MYO10: variants seen among roughly 807,000 people sequenced by gnomAD.
MYO10 encodes myosin X.
Under a neutral mutation model 257.3 loss-of-function variants are expected in MYO10, and 133 were observed. That is an observed-to-expected ratio of 0.52 (90% CI 0.45 to 0.60). The LOEUF is 0.60. Among genes scored for constraint, MYO10 ranks in the 20% least tolerant of loss-of-function variants. MYO10 has a pLI of 0.00. For synonymous variants in MYO10, 1,104 were observed against 1,028.6 expected (o/e 1.07, Z -1.40); for missense variants, 2,399 against 2,635.7 (o/e 0.91, Z 1.97).
intron 28 of MYO10, among the ~76,000 whole-genome samples, chr5:16,688,072 TAAAAC>T (rs1737329152): frequency 1.3e-5 from 2 of 152,220 alleles, no homozygotes; most frequent in South Asian, 4.1e-4. Flanking sequence ...CATCGTGGCA[TAAAAC>T]AGACAGGGCA....
chr5:16,684,532 C>T (rs908036913), intron 29 of MYO10, among the ~76,000 whole-genome samples: 2 of 152,344 alleles, frequency 1.3e-5, no homozygotes, highest in Admixed American at 6.5e-5. Flanking sequence ...GTCTGAGCTT[C>T]CGCACCTGGC....
chr5:16,795,912 G>A (rs953521095), intron 3 of MYO10, among the ~76,000 whole-genome samples: 7 of 152,046 alleles, frequency 4.6e-5, no homozygotes, highest in East Asian at 3.9e-4. Context: ...GTATCAGACC[G>A]AGCGCAGTGG....
intron 1 of MYO10, among the ~76,000 whole-genome samples, chr5:16,879,834 C>T (rs1434816849): frequency 2.0e-5 from 3 of 152,310 alleles, no homozygotes; most frequent in South Asian, 2.1e-4. Flanking sequence ...CAAAATCTGA[C>T]GTAAAGGTTA....
intron 1 of MYO10, among the ~76,000 whole-genome samples, chr5:16,883,108 G>C (rs1311507577): frequency 6.6e-6 from 1 of 151,874 alleles, no homozygotes; most frequent in African/African-American, 2.4e-5. Context: ...GTAGAGACGA[G>C]GTTTCACCGT....
At position 16,673,820 on chromosome 5, in the gene MYO10, TTTC is replaced by T; in HGVS notation, c.5031_5033del (p.Lys1678del). On this transcript the variant is annotated inframe_deletion, in exon 36 of 41. Coordinates refer to ENST00000513610, the MANE Select transcript of MYO10 (RefSeq NM_012334.3). Reference sequence around the variant, plus strand: ...AAGGCACAAACTCTCGGCATTTGGTTTTCTTAAGAGATTCGTAAGTGAAGAGAG... The same window carrying T: ...AAGGCACAAACTCTCGGCATTTGGTTTTAAGAGATTCGTAAGTGAAGAGAG... 6.2e-7 allele frequency: 1 copy of T among 1,614,000 alleles called. No individual in the cohort carries two copies.
At chr5:16,788,180 C>T (rs192272966) in intron 4 of MYO10, among the ~76,000 whole-genome samples, 179 of 152,064 alleles carry the variant, frequency 1.2e-3, no homozygotes, top group Middle Eastern at 0.01. Context: ...CGGGAAGGGC[C>T]GCGGGGGCAG....
intron 18 of MYO10, among the ~76,000 whole-genome samples, chr5:16,755,764 G>A (rs1233300566): frequency 1.5e-5 from 2 of 135,450 alleles, no homozygotes; most frequent in Non-Finnish European, 3.1e-5. Context: ...ATTTACCAAA[G>A]CAGACAAAAG....
At position 16,803,295 on chromosome 5, in the gene MYO10, G is replaced by T. The variant is rs565587634; in HGVS notation, c.280-8462C>A. Reference sequence around the variant, plus strand: ...ATTAAAAAGTTAGCCAGGTATGATGGTGCACACATGTGGTCTCAGCTACTC... The same window carrying T: ...ATTAAAAAGTTAGCCAGGTATGATGTTGCACACATGTGGTCTCAGCTACTC... On this transcript the variant is annotated intron_variant, in intron 3 of 40. Coordinates refer to ENST00000513610, the MANE Select transcript of MYO10 (RefSeq NM_012334.3). 9.2e-5 allele frequency among the ~76,000 whole-genome samples: 14 copies of T among 151,942 alleles called. No individual in the cohort carries two copies. The East Asian group carries it at 2.7e-3, about 29-fold the overall frequency.
intron 32 of MYO10, among the ~76,000 whole-genome samples, chr5:16,680,814 C>T (rs2288434): frequency 0.31 from 47,524 of 151,926 alleles, 7,565 homozygotes; most frequent in South Asian, 0.41. Context: ...GCCCACATGG[C>T]AAAACCTGGT....
chr5:16,728,304 C>A (rs1478680013), intron 19 of MYO10, among the ~76,000 whole-genome samples: 1 of 152,162 alleles, frequency 6.6e-6, no homozygotes, highest in Non-Finnish European at 1.5e-5. Context: ...CCTCCTTCTG[C>A]GGGCTGCCCT....
At chr5:16,712,775 A>G (rs994666762) in intron 19 of MYO10, among the ~76,000 whole-genome samples, 4 of 152,228 alleles carry the variant, frequency 2.6e-5, no homozygotes, top group Non-Finnish European at 4.4e-5. Context: ...AATTGTCTTT[A>G]TTTAGCAGTA....
Position 16,714,814 on chromosome 5 carries a change from A to AAAC in MYO10, c.1930-3572_1930-3570dup, listed in dbSNP as rs559710113. 3.0e-3 allele frequency among the ~76,000 whole-genome samples: 451 copies of AAAC among 152,244 alleles called. 3 individuals carry two copies. The highest frequency in any genetic ancestry group is 0.017 in the South Asian group (82 of 4,824). On this transcript the variant is annotated intron_variant, in intron 19 of 40. Transcript: ENST00000513610. ...CTCCAGCCTGGGCGACAGAGCGAGA[A>AAAC]AACAACAACAACAACAAAAACAAAT...
intron 2 of MYO10, among the ~76,000 whole-genome samples, chr5:16,853,143 G>A (rs1003057959): frequency 2.6e-5 from 4 of 152,150 alleles, no homozygotes; most frequent in Admixed American, 1.3e-4. Context: ...GGCTGAGGTG[G>A]GCGGATCACA....
At chr5:16,785,286 T>A (rs1295415515) in intron 4 of MYO10, among the ~76,000 whole-genome samples, 2 of 152,200 alleles carry the variant, frequency 1.3e-5, no homozygotes, top group Non-Finnish European at 2.9e-5. Flanking sequence ...AACTGGCATC[T>A]GCTCGGCCCA....
chr5:16,902,768 C>T (rs947679671), intron 1 of MYO10: 2 of 646,716 alleles, frequency 3.1e-6, no homozygotes, highest in South Asian at 3.6e-5. Context: ...TCCCAAAGTG[C>T]CGGGATTACA....
At chr5:16,748,168 C>G (rs186832420) in intron 19 of MYO10, among the ~76,000 whole-genome samples, 2 of 152,058 alleles carry the variant, frequency 1.3e-5, no homozygotes, top group African/African-American at 4.8e-5. Flanking sequence ...CTCCCAGGCT[C>G]GGATGATCCT....
At chr5:16,707,730 A>G (rs571006813) in intron 21 of MYO10, among the ~76,000 whole-genome samples, 1 of 152,250 alleles carries the variant, frequency 6.6e-6, no homozygotes, top group Non-Finnish European at 1.5e-5. Context: ...GCAGCTGTTC[A>G]GCAGGGAAAT....
In MYO10 at chr5:16,701,006, C is replaced by T. The variant is rs776940936; in HGVS notation, c.3389G>A (p.Ser1130Asn). The change falls in exon 25 of 41, where the codon AGC (serine) becomes AAC (asparagine). Residue 1130 changes from serine (S) to asparagine (N), a missense_variant. Coordinates refer to ENST00000513610, the MANE Select transcript of MYO10 (RefSeq NM_012334.3). This position sits in a 1 kb window ranked among gnomAD's most constrained non-coding sequence, Gnocchi z 8.1. ...AGAGCTGAACCGGTAGGCACCCGAG[C>T]TGTTGTAGGTCCCCACAGAGCAGCG... is the stretch of plus-strand genomic sequence containing the variant. ...DYRCSVGTYNSSGAYRFSSEG... is the reference protein window; with the variant it reads ...DYRCSVGTYNNSGAYRFSSEG... 7 of 1,560,998 alleles carry T rather than the reference C, an allele frequency of 4.5e-6. No homozygotes were observed. Among genetic ancestry groups the T allele is most frequent in the South Asian group, 2.4e-5 (2 of 84,550 alleles).
intron 1 of MYO10, among the ~76,000 whole-genome samples, chr5:16,881,350 C>A (rs2126765308): frequency 6.6e-6 from 1 of 152,336 alleles, no homozygotes; most frequent in East Asian, 1.9e-4. Context: ...TAGCATCTCA[C>A]TGTGGGTCTC....
Sources: allele counts gnomAD v4.1 joint callset (sites outside exome capture counted in the v4.1 genomes callset), GRCh38; gene constraint gnomAD v4.1.1; non-coding constraint Gnocchi (gnomAD v3.1); transcripts MANE v1.5; gene names NCBI Gene and HGNC (gene_info 2026-07-23, HGNC 2026-07-21).